The following NEDD4 variants were observed in gnomAD, a reference collection of about 807,000 sequenced individuals.
NEDD4 encodes the protein NEDD4 E3 ubiquitin protein ligase, also known as E3 ubiquitin-protein ligase NEDD4.
Under a neutral mutation model 144.9 loss-of-function variants are expected in NEDD4, and 99 were observed. That is an observed-to-expected ratio of 0.68 (90% CI 0.58 to 0.81). The LOEUF (loss-of-function observed/expected upper bound fraction) is 0.81. NEDD4 is among the 30% of genes least tolerant of loss of function. The pLI is 0.00. For missense variants in NEDD4, 985 were observed against 1,065.9 expected, an observed-to-expected ratio of 0.92 and a Z score of 1.06; for synonymous variants, 318 against 350.6, an observed-to-expected ratio of 0.91 and a Z score of 1.04.
intron 5 of NEDD4, among the ~76,000 whole-genome samples, chr15:55,905,830 TC>T (rs1369847870): frequency 6.6e-6 from 1 of 152,240 alleles, no homozygotes; most frequent in Non-Finnish European, 1.5e-5. Context: ...GGTTGCCTGT[TC>T]ACTCTGATGG....
chr15:55,859,001 C>A lies in NEDD4; in HGVS notation c.960+1406G>T, dbSNP rs190578938. On this transcript the variant is annotated intron_variant, in intron 11 of 28. Transcript: ENST00000435532. ...ACCGGTTGTAGTTTGCTTTCCTCTGCACTAGAATGTAAGTCCCATGAAGGC... is the reference window on the plus strand; with the variant it reads ...ACCGGTTGTAGTTTGCTTTCCTCTGAACTAGAATGTAAGTCCCATGAAGGC... Among the ~76,000 whole-genome samples, 240 of 152,296 alleles carry A rather than the reference C, an allele frequency of 1.6e-3. 1 individual carries two copies. The highest frequency in any genetic ancestry group is 5.6e-3 in the African/African-American group (234 of 41,566).
In NEDD4 at chr15:55,841,931, T is replaced by C; in HGVS notation, c.1838+3A>G. Reference sequence around the variant, plus strand: ...TGCCGATAATCATTGTAAAGGTACTTACGTAGCAGAATATTCAAACAACCC... The same window carrying C: ...TGCCGATAATCATTGTAAAGGTACTCACGTAGCAGAATATTCAAACAACCC... On this transcript the variant is annotated splice_donor_region_variant and intron_variant, in intron 19 of 28. Coordinates refer to ENST00000435532, the MANE Select transcript of NEDD4 (RefSeq NM_006154.4). 1 of 1,605,500 alleles carries C rather than the reference T, an allele frequency of 6.2e-7. No individual in the cohort carries two copies. The highest frequency in any genetic ancestry group is 8.5e-7 in the Non-Finnish European group (1 of 1,172,156).
intron 5 of NEDD4, chr15:55,924,383 T>C (rs949209229): frequency 1.4e-5 from 5 of 358,618 alleles, no homozygotes; most frequent in African/African-American, 4.1e-5. Context: ...GTTGGTTTTC[T>C]GTCCTCTCCT....
At chr15:55,838,745 CAA>C in intron 21 of NEDD4, 141 bp from the exon 22 acceptor site, 1 of 590,426 alleles carries the variant, frequency 1.7e-6, no homozygotes, top group Non-Finnish European at 3.0e-6. Context: ...CATATATAAA[CAA>C]AAATGTATGT....
intron 1 of NEDD4, among the ~76,000 whole-genome samples, chr15:55,983,301 C>A (rs1027318563): frequency 3.5e-5 from 5 of 143,938 alleles, no homozygotes; most frequent in Admixed American, 6.9e-5. Flanking sequence ...TGTGTGTGTG[C>A]GTGCGCGCGC....
intron 5 of NEDD4, among the ~76,000 whole-genome samples, chr15:55,889,171 T>C (rs1393918007): frequency 1.3e-5 from 2 of 152,016 alleles, no homozygotes; most frequent in African/African-American, 2.4e-5. Context: ...AGCCCATAGA[T>C]TGGAAGAAAA....
intron 5 of NEDD4, among the ~76,000 whole-genome samples, chr15:55,897,770 C>T (rs778513543): frequency 8.5e-5 from 13 of 152,160 alleles, no homozygotes; most frequent in Non-Finnish European, 1.9e-4. Flanking sequence ...TTTCCTGCCT[C>T]AGGGACTGAA....
At chr15:55,922,850 G>A (rs540641074) in intron 5 of NEDD4, among the ~76,000 whole-genome samples, 7 of 152,214 alleles carry the variant, frequency 4.6e-5, no homozygotes, top group African/African-American at 1.7e-4. Context: ...TGAGTAACGT[G>A]TATACATATT....
At chr15:55,951,651 T>C in intron 2 of NEDD4, 62 bp from the exon 3 acceptor site, 4 of 1,187,346 alleles carry the variant, frequency 3.4e-6, no homozygotes, top group Non-Finnish European at 4.5e-6. Context: ...CAAGCTCAGA[T>C]TACCCAGACT....
intron 1 of NEDD4, among the ~76,000 whole-genome samples, chr15:55,983,436 G>C (rs1165969542): frequency 1.3e-5 from 2 of 151,968 alleles, no homozygotes; most frequent in African/African-American, 4.8e-5. Context: ...TCTTGTTTTA[G>C]CACTCCAACC....
intron 5 of NEDD4, chr15:55,916,494 G>A (rs1056638058): frequency 2.5e-6 from 4 of 1,613,980 alleles, no homozygotes; most frequent in Admixed American, 3.3e-5. Context: ...ACAAGTAAAC[G>A]AAGCATCATC....
chr15:55,856,151 C>G lies in NEDD4; in HGVS notation c.1006G>C (p.Glu336Gln). 6.2e-7 allele frequency: 1 copy of G among 1,613,010 alleles called. No homozygotes were observed. The highest frequency in any genetic ancestry group is 8.5e-7 in the Non-Finnish European group (1 of 1,179,594). Residue 336 changes from glutamate (E) to glutamine (Q), a missense_variant, in exon 12 of 29, where the codon GAA becomes CAA. By Grantham distance (29) the Glu-to-Gln change is conservative. Coordinates refer to ENST00000435532, the MANE Select transcript of NEDD4 (RefSeq NM_006154.4). Reference sequence around the variant, plus strand: ...CTCACCACAGGAAGTGTAGGTTGTTCCTCAAAAGTATAGGCTTGTAAGCTG... The same window carrying G: ...CTCACCACAGGAAGTGTAGGTTGTTGCTCAAAAGTATAGGCTTGTAAGCTG... ...RGSLQAYTFEEQPTLPVLLPT... is the reference protein window; with the variant it reads ...RGSLQAYTFEQQPTLPVLLPT...
At chr15:55,861,826 C>A (rs180894609) in intron 9 of NEDD4, among the ~76,000 whole-genome samples, 1 of 151,996 alleles carries the variant, frequency 6.6e-6, no homozygotes, top group African/African-American at 2.4e-5. Context: ...TTATTTAATG[C>A]GACATGAGCT....
In NEDD4 at chr15:55,874,005, T is replaced by C; in HGVS notation, c.295A>G (p.Arg99Gly). The C allele has an allele frequency of 6.6e-7, 1 of 1,522,322 alleles. No individual in the cohort carries two copies. The allele number at this position is 1,522,322 out of a possible 1,614,324, so 94.3% of individuals were successfully genotyped here. A position where few individuals can be genotyped will look rare whatever the true frequency, so the allele number is the denominator to read the frequency against. ...TCCACTTGACCTAGGAAATCATCTC[T>C]TGTCTATAAGAGAAGGAAGAAAAAA... is the stretch of plus-strand genomic sequence containing the variant. Reference protein sequence around the residue: ...FEVFDENRLTRDDFLGQVDVP... With the variant: ...FEVFDENRLTGDDFLGQVDVP... The change falls in exon 6 of 29, where the codon AGA (arginine) becomes GGA (glycine). Residue 99 changes from arginine (R) to glycine (G), a missense_variant. By Grantham distance (125) the Arg-to-Gly change is moderately radical. Coordinates refer to ENST00000435532, the MANE Select transcript of NEDD4 (RefSeq NM_006154.4).
intron 5 of NEDD4, among the ~76,000 whole-genome samples, chr15:55,895,485 TA>T (rs2035709883): frequency 6.6e-6 from 1 of 152,204 alleles, no homozygotes; most frequent in African/African-American, 2.4e-5. Flanking sequence ...GAAACTACTT[TA>T]AAATGGATAA....
At chr15:55,904,133 G>C (rs1366814727) in intron 5 of NEDD4, among the ~76,000 whole-genome samples, 2 of 152,024 alleles carry the variant, frequency 1.3e-5, no homozygotes, top group African/African-American at 4.8e-5. Flanking sequence ...CTGCACTCCA[G>C]GGACAAGAGC....
chr15:55,916,884 G>A, intron 5 of NEDD4: 1 of 1,534,198 alleles, frequency 6.5e-7, no homozygotes, highest in Middle Eastern at 1.8e-4. Context: ...AAAGATCTCT[G>A]TCCGTAGACA....
rs548292234 is a variant in NEDD4, at chr15:55,881,084, G to T, written c.292-7076C>A. ...TGAGTTGATGATAATTTTTGAAATGGGTAAGTTAGCTTTTAATGATGTTTT... is the reference window on the plus strand; with the variant it reads ...TGAGTTGATGATAATTTTTGAAATGTGTAAGTTAGCTTTTAATGATGTTTT... On this transcript the variant is annotated intron_variant, in intron 5 of 28. Coordinates refer to ENST00000435532, the MANE Select transcript of NEDD4 (RefSeq NM_006154.4). Among the ~76,000 whole-genome samples the T allele has an allele frequency of 1.2e-3, 184 of 151,646 alleles. 4 individuals are homozygous for T. In the South Asian group the frequency reaches 0.037, roughly 31 times the overall value.
intron 7 of NEDD4, 99 bp from the exon 8 acceptor site, chr15:55,869,780 C>T: frequency 1.4e-6 from 1 of 728,328 alleles, no homozygotes; most frequent in Non-Finnish European, 2.2e-6. Context: ...ACCAGGGGGT[C>T]TACAAAGGGA....
Sources: allele counts gnomAD v4.1 joint callset (sites outside exome capture counted in the v4.1 genomes callset), GRCh38; gene constraint gnomAD v4.1.1; transcripts MANE v1.5; gene names NCBI Gene and HGNC (gene_info 2026-07-23, HGNC 2026-07-21).